SFMBT2: variants seen among roughly 807,000 people sequenced by gnomAD.
The protein encoded by SFMBT2 is Scm like with four mbt domains 2.
SFMBT2 carries 38 observed loss-of-function variants against 110.1 expected under a neutral mutation model. That is an observed-to-expected ratio of 0.35 (90% confidence interval 0.27 to 0.45). The LOEUF (loss-of-function observed/expected upper bound fraction) is 0.45, where lower values mean the gene tolerates loss of function less well. Among genes scored for constraint, SFMBT2 ranks in the 20% least tolerant of loss-of-function variants. The pLI is 1.00. For missense variants in SFMBT2, 1,011 were observed against 1,094.9 expected, an observed-to-expected ratio of 0.92 and a Z score of 1.08; for synonymous variants, 425 against 425.4, an observed-to-expected ratio of 1.00 and a Z score of 0.01.
chr10:7,325,691 G>A (rs1843360150), intron 4 of SFMBT2, among the ~76,000 whole-genome samples: 2 of 152,164 alleles, frequency 1.3e-5, no homozygotes, highest in African/African-American at 4.8e-5. Context: ...GGTACAACGT[G>A]GCGGTCAAAT....
chr10:7,334,515 G>C (rs1487221263), intron 4 of SFMBT2, among the ~76,000 whole-genome samples: 1 of 152,164 alleles, frequency 6.6e-6, no homozygotes, highest in Non-Finnish European at 1.5e-5. Flanking sequence ...GTGTCCCTGA[G>C]TCCCACAACC....
In SFMBT2 at chr10:7,308,784, T is replaced by A. The variant is rs145470353; in HGVS notation, c.437-22830A>T. Among the ~76,000 whole-genome samples, 489 of 152,312 alleles carry A rather than the reference T, an allele frequency of 3.2e-3. 1 individual carries two copies. Among genetic ancestry groups the A allele is most frequent in the Middle Eastern group, 0.017 (5 of 294 alleles). ...TTTTACATTATGCAGACATGAATGCTGTACTTACCAGTTACACATGAACTC... is the reference window on the plus strand; with the variant it reads ...TTTTACATTATGCAGACATGAATGCAGTACTTACCAGTTACACATGAACTC... On this transcript the variant is annotated intron_variant, in intron 4 of 20. Transcript: ENST00000397167.
At chr10:7,393,211 C>T (rs550707050) in intron 1 of SFMBT2, among the ~76,000 whole-genome samples, 4 of 151,382 alleles carry the variant, frequency 2.6e-5, no homozygotes, top group Admixed American at 1.3e-4. Context: ...TTGTATTTTT[C>T]GTAGAGACGG....
chr10:7,210,261 A>ATGCTTATG (rs750690390), intron 11 of SFMBT2, among the ~76,000 whole-genome samples: 1 of 152,188 alleles, frequency 6.6e-6, no homozygotes, highest in Non-Finnish European at 1.5e-5. Flanking sequence ...AAAAAGGGAG[A>ATGCTTATG]TGCTTATGGC....
rs556868053 is a variant in SFMBT2 at position 7,246,159 on chromosome 10, G to A, written c.972+2389C>T. 27 of 984,782 alleles carry A rather than the reference G, an allele frequency of 2.7e-5. No homozygotes were observed. The East Asian group carries it at 1.2e-3, about 46-fold the overall frequency. The allele number at this position is 984,782 out of a possible 1,614,324, so 61.0% of individuals were successfully genotyped here. On this transcript the variant is annotated intron_variant, in intron 8 of 20. Transcript: ENST00000397167. ...ATAAGAGGAGGGGTGTATACGAAAC[G>A]GCATGACTTATTTTATCTTTGCTAC...
At chr10:7,246,714 A>T (rs1366796791) in intron 8 of SFMBT2, among the ~76,000 whole-genome samples, 1 of 86,856 alleles carries the variant, frequency 1.2e-5, no homozygotes, top group South Asian at 4.3e-4. Flanking sequence ...GCAAGACTCC[A>T]TCTCAAAAAA....
chr10:7,243,130 G>A (rs911783850), intron 9 of SFMBT2, among the ~76,000 whole-genome samples: 14 of 152,188 alleles, frequency 9.2e-5, no homozygotes, highest in Middle Eastern at 3.4e-3. Context: ...TCTAATTGTC[G>A]GATATCTGAA....
intron 16 of SFMBT2, among the ~76,000 whole-genome samples, chr10:7,182,002 ACGTGACAGACC>A: frequency 6.6e-6 from 1 of 152,286 alleles, no homozygotes; most frequent in South Asian, 2.1e-4. Flanking sequence ...TTTGAGCTCC[ACGTGACAGACC>A]TGGGGATGGC....
chr10:7,298,510 G>A (rs188234313), intron 4 of SFMBT2, among the ~76,000 whole-genome samples: 11 of 152,228 alleles, frequency 7.2e-5, no homozygotes. Context: ...TAAACCAAAG[G>A]TTCTTAACTC....
At position 7,239,781 on chromosome 10, in the gene SFMBT2, TAAG is replaced by T. The variant is rs1347452545; in HGVS notation, c.1120+3774_1120+3776del. ...GGCCCCCCAAACTCTCTAGAATTAC[TAAG>T]AAGGAGGAACATTACAAAACATCAG... On this transcript the variant is annotated intron_variant, in intron 9 of 20. Transcript: ENST00000397167. Among the ~76,000 whole-genome samples the T allele has an allele frequency of 2.1e-4, 32 of 152,294 alleles. 1 individual carries two copies. Among genetic ancestry groups the T allele is most frequent in the Admixed American group, 2.1e-3 (32 of 15,300 alleles).
rs184080361 is a variant in SFMBT2, at chr10:7,271,877, C to T, written c.870+5015G>A. On this transcript the variant is annotated intron_variant, in intron 7 of 20. Coordinates refer to ENST00000397167, the MANE Select transcript of SFMBT2 (RefSeq NM_001387889.1). ...ATCTCGTGAGACTTATTCACTATCA[C>T]GAGAACAGCATGGGAAAGACCCACC... Among the ~76,000 whole-genome samples the T allele has an allele frequency of 2.8e-4, 42 of 152,212 alleles. No individual in the cohort carries two copies. The East Asian group carries it at 4.1e-3, about 15-fold the overall frequency.
intron 2 of SFMBT2, among the ~76,000 whole-genome samples, chr10:7,380,353 G>T (rs972988060): frequency 5.3e-5 from 8 of 152,248 alleles, no homozygotes; most frequent in Non-Finnish European, 1.2e-4. Context: ...AGATACTAAC[G>T]CCCTTCAACA....
chr10:7,340,489 T>C (rs1450361183), intron 4 of SFMBT2, among the ~76,000 whole-genome samples: 1 of 151,994 alleles, frequency 6.6e-6, no homozygotes, highest in East Asian at 1.9e-4. Flanking sequence ...AAGTCAGTCC[T>C]GCATGCACTC....
Position 7,173,184 on chromosome 10 carries a change from A to T in SFMBT2, c.1985-523T>A, listed in dbSNP as rs145438314. Among the ~76,000 whole-genome samples the T allele has an allele frequency of 6.5e-3, 996 of 152,296 alleles. 5 individuals are homozygous for T. The highest frequency in any genetic ancestry group is 8.6e-3 in the Non-Finnish European group (582 of 68,018). On this transcript the variant is annotated intron_variant, in intron 17 of 20. Coordinates refer to ENST00000397167, the MANE Select transcript of SFMBT2 (RefSeq NM_001387889.1). ...TCAGGGTCTGTGGTATGTTGTTGTA[A>T]GCCAGAGCTGACTTCTGCAGAAGGT...
intron 1 of SFMBT2, among the ~76,000 whole-genome samples, chr10:7,382,740 A>C (rs1845461830): frequency 6.6e-6 from 1 of 152,246 alleles, no homozygotes; most frequent in Non-Finnish European, 1.5e-5. Flanking sequence ...TACCAAAACC[A>C]GTTAAAGTAT....
intron 2 of SFMBT2, among the ~76,000 whole-genome samples, chr10:7,378,773 G>C (rs367906144): frequency 4.9e-5 from 7 of 143,486 alleles, no homozygotes; most frequent in African/African-American, 1.8e-4. Context: ...GTCGCTGTGG[G>C]GTGGTGTGAG....
chr10:7,308,366 CAAA>C (rs1191411923), intron 4 of SFMBT2, among the ~76,000 whole-genome samples: 2 of 146,152 alleles, frequency 1.4e-5, no homozygotes, highest in African/African-American at 5.6e-5. Flanking sequence ...TCTCAAAAAA[CAAA>C]CAAACAACAA....
At chr10:7,227,323 G>A (rs115293810) in intron 10 of SFMBT2, among the ~76,000 whole-genome samples, 81 of 152,252 alleles carry the variant, frequency 5.3e-4, no homozygotes, top group African/African-American at 1.6e-3. Flanking sequence ...ATGGCCAGCC[G>A]TCCACCAAAA....
rs1367756156 is a variant in SFMBT2, at chr10:7,159,855, C to G, written c.*3915G>C. ...TACTTCTAAAACTAAGCGGGGACAG[C>G]TCTTAGAAAGGGGTGTTTGGCATAA... On this transcript the variant is annotated 3_prime_UTR_variant, in exon 21 of 21. Coordinates refer to ENST00000397167, the MANE Select transcript of SFMBT2 (RefSeq NM_001387889.1). 6.6e-6 allele frequency: 1 copy of G among 152,102 alleles called. No individual in the cohort carries two copies. The highest frequency in any genetic ancestry group is 1.5e-5 in the Non-Finnish European group (1 of 68,018). 9.4% of individuals were successfully genotyped at this position (152,102 alleles called of 1,614,324 possible). A position where few individuals can be genotyped will look rare whatever the true frequency, so the allele number is the denominator to read the frequency against.
Sources: allele counts gnomAD v4.1 joint callset (sites outside exome capture counted in the v4.1 genomes callset), GRCh38; gene constraint gnomAD v4.1.1; transcripts MANE v1.5; gene names NCBI Gene and HGNC (gene_info 2026-07-23, HGNC 2026-07-21).